Variants in CADPS2 observed in about 807,000 individuals in gnomAD.
CADPS2 encodes calcium-dependent secretion activator 2.
In CADPS2, 93 loss-of-function variants were observed where a neutral mutation model predicts 172.5. That is an observed-to-expected ratio of 0.54 (90% confidence interval 0.46 to 0.64). The LOEUF is 0.64. Among genes scored for constraint, CADPS2 ranks in the 30% least tolerant of loss-of-function variants. The pLI, the probability that CADPS2 is intolerant of heterozygous loss-of-function variation, is 0.00. For missense variants in CADPS2, 1,420 were observed against 1,565.9 expected (o/e 0.91, Z 1.57); for synonymous variants, 546 against 555.2 (o/e 0.98, Z 0.23).
chr7:122,527,580 A>AAGAGAGAGAGAGAGAGAG lies in CADPS2; in HGVS notation c.1476-14266_1476-14265insCTCTCTCTCTCTCTCTCT, dbSNP rs1192583104. Among the ~76,000 whole-genome samples the AAGAGAGAGAGAGAGAGAG allele has an allele frequency of 4.7e-5, 4 of 85,514 alleles. No individual in the cohort carries two copies. In the East Asian group the frequency reaches 9.2e-4, roughly 20 times the overall value. 56.1% of individuals were successfully genotyped at this position (85,514 alleles called of 152,430 possible). A position where few individuals can be genotyped will look rare whatever the true frequency, so the allele number is the denominator to read the frequency against. On this transcript the variant is annotated intron_variant, in intron 8 of 29. Transcript: ENST00000449022. The stretch of plus-strand genomic sequence containing the variant: ...TTTAATACTGGTAAAGATAATACTG[A>AAGAGAGAGAGAGAGAGAG]ATAGAGAGAGAGAGAGAGAGAGAGA...
At chr7:122,822,233 C>A (rs926639680) in intron 1 of CADPS2, among the ~76,000 whole-genome samples, 35 of 151,812 alleles carry the variant, frequency 2.3e-4, no homozygotes, top group Non-Finnish European at 4.1e-4. Flanking sequence ...AATTCTTAGA[C>A]CTTTTATACC....
At chr7:122,699,100 G>A in intron 2 of CADPS2, 2 of 551,286 alleles carry the variant, frequency 3.6e-6, no homozygotes, top group South Asian at 2.9e-5. Flanking sequence ...ACTAGAGAGA[G>A]GTGAAAAACT....
intron 7 of CADPS2, among the ~76,000 whole-genome samples, chr7:122,561,016 C>T (rs1221448980): frequency 6.6e-6 from 1 of 152,046 alleles, no homozygotes; most frequent in African/African-American, 2.4e-5. Context: ...AACAGTTTCT[C>T]GTGTTTTAAT....
chr7:122,556,592 G>A (rs555107419), intron 7 of CADPS2, among the ~76,000 whole-genome samples: 17 of 152,132 alleles, frequency 1.1e-4, no homozygotes, highest in African/African-American at 3.9e-4. Flanking sequence ...GCTAAATTAG[G>A]TCCCAAAATA....
intron 1 of CADPS2, among the ~76,000 whole-genome samples, chr7:122,837,695 C>T (rs2140840141): frequency 6.6e-6 from 1 of 152,278 alleles, no homozygotes; most frequent in East Asian, 1.9e-4. Flanking sequence ...TGGATAAATT[C>T]CTGGACACAT....
chr7:122,531,364 G>A (rs2061738365), intron 8 of CADPS2, among the ~76,000 whole-genome samples: 1 of 152,048 alleles, frequency 6.6e-6, no homozygotes, highest in African/African-American at 2.4e-5. Context: ...CAGAATTCAA[G>A]TTCCAGCCTC....
intron 3 of CADPS2, among the ~76,000 whole-genome samples, chr7:122,632,845 G>A (rs1010533541): frequency 3.3e-5 from 5 of 152,054 alleles, no homozygotes; most frequent in African/African-American, 7.2e-5. Flanking sequence ...CATTTAAGTC[G>A]TTAATCCACC....
rs182024857 is a variant in CADPS2, at chr7:122,645,359, A to G, written c.787-16031T>C. On this transcript the variant is annotated intron_variant, in intron 3 of 29. Coordinates refer to ENST00000449022, the MANE Select transcript of CADPS2 (RefSeq NM_017954.11). ...CACACATGTACATGTGTGTGTATACATGTACATGTATACACACATATGTAC... is the reference window on the plus strand; with the variant it reads ...CACACATGTACATGTGTGTGTATACGTGTACATGTATACACACATATGTAC... Among the ~76,000 whole-genome samples the G allele has an allele frequency of 1.7e-3, 182 of 104,884 alleles. 4 individuals are homozygous for G. The highest frequency in any genetic ancestry group is 5.2e-3 in the African/African-American group (170 of 32,728). 68.8% of individuals were successfully genotyped at this position (104,884 alleles called of 152,430 possible). A position where few individuals can be genotyped will look rare whatever the true frequency, so the allele number is the denominator to read the frequency against.
intron 2 of CADPS2, among the ~76,000 whole-genome samples, chr7:122,671,882 C>A (rs2081902898): frequency 6.6e-6 from 1 of 152,154 alleles, no homozygotes; most frequent in African/African-American, 2.4e-5. Flanking sequence ...CCCATCCATA[C>A]ACTTGCATAA....
chr7:122,658,156 C>T (rs1326241346), intron 3 of CADPS2, among the ~76,000 whole-genome samples: 1 of 152,072 alleles, frequency 6.6e-6, no homozygotes, highest in Non-Finnish European at 1.5e-5. Context: ...TCATCACTGG[C>T]CATCAGAGAA....
At chr7:122,388,527 A>C (rs1344125367) in intron 23 of CADPS2, 56 bp downstream of exon 23, 1 of 1,501,244 alleles carries the variant, frequency 6.7e-7, no homozygotes, top group African/African-American at 1.4e-5. Context: ...ACTTGATAAA[A>C]AGTGATATTT....
Position 122,618,933 on chromosome 7 carries a change from G to A in CADPS2, c.1104+2548C>T, listed in dbSNP as rs188246361. Among the ~76,000 whole-genome samples the A allele has an allele frequency of 1.4e-3, 220 of 152,214 alleles. 2 individuals are homozygous for A. The highest frequency in any genetic ancestry group is 0.011 in the South Asian group (53 of 4,830). ...ACAGATTTGTATTATGCTATGGTAG[G>A]AAAATATCTGCCTTAGATAGACATA... is the stretch of plus-strand genomic sequence containing the variant. On this transcript the variant is annotated intron_variant, in intron 5 of 29. Coordinates refer to ENST00000449022, the MANE Select transcript of CADPS2 (RefSeq NM_017954.11).
chr7:122,836,637 G>A lies in CADPS2; in HGVS notation c.339+49362C>T, dbSNP rs554577362. 3.3e-5 allele frequency among the ~76,000 whole-genome samples: 5 copies of A among 152,250 alleles called. No homozygotes were observed. In the South Asian group the frequency reaches 1.0e-3, roughly 32 times the overall value. ...GGAAGGGGTTGCAATCCTAGTCTCT[G>A]ATAAAACAGACTTTAAACCAACAAA... On this transcript the variant is annotated intron_variant, in intron 1 of 29. Coordinates refer to ENST00000449022, the MANE Select transcript of CADPS2 (RefSeq NM_017954.11).
In CADPS2 at chr7:122,502,851, TTTTTTTC is replaced by T. The variant is rs936308225; in HGVS notation, c.1542+10391_1542+10397del. Among the ~76,000 whole-genome samples, 274 of 152,158 alleles carry T rather than the reference TTTTTTTC, an allele frequency of 1.8e-3. 1 individual carries two copies. The highest frequency in any genetic ancestry group is 6.2e-3 in the African/African-American group (258 of 41,536). ...AATATGTTCAGCAATGTGAACTGTA[TTTTTTTC>T]TTTTTTTGAGCTTTTTGGTTATAGA... On this transcript the variant is annotated intron_variant, in intron 9 of 29. Transcript: ENST00000449022.
chr7:122,635,530 T>C (rs552032318), intron 3 of CADPS2, among the ~76,000 whole-genome samples: 6 of 151,488 alleles, frequency 4.0e-5, no homozygotes, highest in African/African-American at 1.5e-4. Context: ...ATATGTGGTG[T>C]TTGGTTTTTT....
At chr7:122,728,141 C>A (rs1468065636) in intron 2 of CADPS2, among the ~76,000 whole-genome samples, 1 of 151,758 alleles carries the variant, frequency 6.6e-6, no homozygotes, top group Non-Finnish European at 1.5e-5. Flanking sequence ...TTTTTCTATT[C>A]CAAAGTAAAA....
intron 8 of CADPS2, among the ~76,000 whole-genome samples, chr7:122,534,538 A>C (rs1563623028): frequency 6.6e-6 from 1 of 152,096 alleles, no homozygotes; most frequent in Non-Finnish European, 1.5e-5. Flanking sequence ...AACTGATACA[A>C]TTCTGAGATG....
intron 9 of CADPS2, among the ~76,000 whole-genome samples, chr7:122,498,522 T>C (rs894788309): frequency 6.6e-6 from 1 of 152,170 alleles, no homozygotes. Flanking sequence ...AATTTCTTTA[T>C]GTATATTTTT....
chr7:122,830,049 C>A (rs1211724085), intron 1 of CADPS2, among the ~76,000 whole-genome samples: 1 of 151,660 alleles, frequency 6.6e-6, no homozygotes. Flanking sequence ...AAGTAGGGAC[C>A]ATTATCACTG....
Sources: allele counts gnomAD v4.1 joint callset (sites outside exome capture counted in the v4.1 genomes callset), GRCh38; gene constraint gnomAD v4.1.1; transcripts MANE v1.5; gene names NCBI Gene and HGNC (gene_info 2026-07-23, HGNC 2026-07-21).